Variants in NTRK3 observed in about 807,000 individuals in gnomAD.
NTRK3 encodes neurotrophic receptor tyrosine kinase 3, also known as NT-3 growth factor receptor.
In NTRK3, 24 loss-of-function variants were observed where a neutral mutation model predicts 91.7. The ratio of observed to expected loss-of-function variants is 0.26; its 90% CI spans 0.19 to 0.37. The LOEUF is 0.37. Ranked by LOEUF, NTRK3 falls within the 10% of genes least tolerant of loss-of-function variation. The probability of loss-of-function intolerance (pLI) is 1.00; values close to 1 mark genes in which losing one functional copy is unlikely to be tolerated. For synonymous variants in NTRK3, 483 were observed against 404.0 expected (o/e 1.20, Z -2.34); for missense variants, 880 against 1,068.9 (o/e 0.82, Z 2.46).
At chr15:88,081,857 C>T (rs114548766) in intron 13 of NTRK3, among the ~76,000 whole-genome samples, 17 of 152,274 alleles carry the variant, frequency 1.1e-4, no homozygotes, top group African/African-American at 4.1e-4. Flanking sequence ...TGAGGCCATT[C>T]GATCAGAGCC....
At chr15:88,050,598 T>C (rs1178005347) in intron 13 of NTRK3, among the ~76,000 whole-genome samples, 1 of 152,164 alleles carries the variant, frequency 6.6e-6, no homozygotes, top group Non-Finnish European at 1.5e-5. Flanking sequence ...ATAGTATTTG[T>C]GGAAAATCCA....
chr15:87,980,377 ATC>A (rs1326841746), intron 14 of NTRK3, among the ~76,000 whole-genome samples: 18 of 149,448 alleles, frequency 1.2e-4, no homozygotes, highest in Admixed American at 4.7e-4. Context: ...CCATGTGTGT[ATC>A]TGTTTGCATG....
chr15:87,970,176 G>A (rs1219480580), intron 14 of NTRK3, among the ~76,000 whole-genome samples: 1 of 152,188 alleles, frequency 6.6e-6, no homozygotes. Flanking sequence ...TTGAGACTGG[G>A]ATCCGGGTCT....
At chr15:87,942,638 C>A (rs1050400690) in intron 14 of NTRK3, among the ~76,000 whole-genome samples, 4 of 152,282 alleles carry the variant, frequency 2.6e-5, no homozygotes, top group Admixed American at 2.6e-4. Flanking sequence ...ATTGGGAAGG[C>A]CTGGGAAGCC....
chr15:88,027,647 G>A (rs2078156236), intron 14 of NTRK3, among the ~76,000 whole-genome samples: 1 of 152,232 alleles, frequency 6.6e-6, no homozygotes, highest in Non-Finnish European at 1.5e-5. Context: ...CTCCCAAAGT[G>A]CTGGGATTAC....
intron 5 of NTRK3, among the ~76,000 whole-genome samples, chr15:88,173,343 C>T (rs759082085): frequency 1.2e-4 from 19 of 152,228 alleles, no homozygotes; most frequent in Non-Finnish European, 2.5e-4. Flanking sequence ...CATTCTATAA[C>T]AGGGTGTGCC....
intron 14 of NTRK3, among the ~76,000 whole-genome samples, chr15:87,945,140 A>G (rs1409912879): frequency 6.6e-6 from 1 of 152,174 alleles, no homozygotes; most frequent in Non-Finnish European, 1.5e-5. Flanking sequence ...ATCTCCAACA[A>G]AAAAGGGGCT....
chr15:88,031,536 C>G lies in NTRK3; in HGVS notation c.1585+1321G>C, dbSNP rs867831026. The stretch of plus-strand genomic sequence containing the variant: ...GTTTATCTGAAAAACAGGTATCTCT[C>G]TTCCTTGCCCAGCCGTGGTTCAGAA... On this transcript the variant is annotated intron_variant, in intron 14 of 18. Coordinates refer to ENST00000394480, the Ensembl canonical transcript of NTRK3. Among the ~76,000 whole-genome samples the G allele has an allele frequency of 6.6e-5, 10 of 152,314 alleles. No individual in the cohort carries two copies. The South Asian group carries it at 1.9e-3, about 28-fold the overall frequency.
intron 3 of NTRK3, among the ~76,000 whole-genome samples, chr15:88,208,655 G>T (rs1219425798): frequency 6.6e-6 from 1 of 152,178 alleles, no homozygotes; most frequent in Non-Finnish European, 1.5e-5. Flanking sequence ...ACAGTGATTT[G>T]CTACGTTGAA....
intron 5 of NTRK3, 139 bp downstream of exon 5, chr15:88,183,279 T>A (rs1354006772): frequency 1.3e-6 from 1 of 791,966 alleles, no homozygotes; most frequent in Admixed American, 2.0e-5. Flanking sequence ...GAGGCAAAAT[T>A]GGAAGCCCAA....
chr15:87,870,181 TACACACACACAC>T (rs58874538), exon 19 of NTRK3: 12 of 168,226 alleles, frequency 7.1e-5, no homozygotes, highest in South Asian at 6.5e-4. Context: ...GAAACTGTGG[TACACACACACAC>T]ACACACACAC....
exon 19 of NTRK3, chr15:87,876,759 G>T: frequency 3.6e-6 from 2 of 557,022 alleles, no homozygotes; most frequent in Non-Finnish European, 6.3e-6. Flanking sequence ...GCCTTACAGG[G>T]TTTTTTTTTC....
intron 13 of NTRK3, among the ~76,000 whole-genome samples, chr15:88,075,087 C>T (rs1468144349): frequency 6.6e-6 from 1 of 152,188 alleles, no homozygotes; most frequent in African/African-American, 2.4e-5. Flanking sequence ...ACAATATCTC[C>T]CCAAACTCCT....
intron 18 of NTRK3, among the ~76,000 whole-genome samples, chr15:87,878,910 TGTG>T (rs1425016042): frequency 1.5e-4 from 3 of 19,550 alleles, no homozygotes; most frequent in Non-Finnish European, 4.2e-4. Flanking sequence ...ATGCATGGTG[TGTG>T]TGTGTGTGTG....
At chr15:88,092,460 A>T (rs924194229) in intron 13 of NTRK3, among the ~76,000 whole-genome samples, 2 of 152,170 alleles carry the variant, frequency 1.3e-5, no homozygotes, top group East Asian at 3.9e-4. Context: ...GGTAGGTTGC[A>T]TTCCCACCCC....
intron 13 of NTRK3, among the ~76,000 whole-genome samples, chr15:88,083,659 C>G (rs1018305580): frequency 6.6e-6 from 1 of 152,192 alleles, no homozygotes; most frequent in Admixed American, 6.5e-5. Flanking sequence ...CATTGTGGCT[C>G]ACATCAATTG....
chr15:88,121,092 T>G (rs533847918), intron 13 of NTRK3, among the ~76,000 whole-genome samples: 1 of 138,430 alleles, frequency 7.2e-6, no homozygotes, highest in Admixed American at 7.2e-5. Flanking sequence ...AAATAATGTA[T>G]GTATTTTTTT....
intron 14 of NTRK3, among the ~76,000 whole-genome samples, chr15:87,949,136 A>G (rs2070852870): frequency 1.3e-5 from 2 of 152,290 alleles, no homozygotes; most frequent in South Asian, 2.1e-4. Context: ...CAGGGAAAAC[A>G]CTGCAAAGAG....
chr15:87,967,569 C>A (rs1055264740), intron 14 of NTRK3, among the ~76,000 whole-genome samples: 2 of 152,138 alleles, frequency 1.3e-5, no homozygotes, highest in East Asian at 1.9e-4. Flanking sequence ...GATGCCCAAC[C>A]AGCAAGGTGC....
Sources: allele counts gnomAD v4.1 joint callset (sites outside exome capture counted in the v4.1 genomes callset), GRCh38; gene constraint gnomAD v4.1.1; transcripts MANE v1.5; gene names NCBI Gene and HGNC (gene_info 2026-07-23, HGNC 2026-07-21).